Variants in HERC1 observed in about 807,000 individuals in gnomAD.
HERC1 encodes the protein probable E3 ubiquitin-protein ligase HERC1.
In HERC1, 160 loss-of-function variants were observed where a neutral mutation model predicts 554.3. That is an observed-to-expected ratio of 0.29 (90% confidence interval 0.25 to 0.33). HERC1 has a LOEUF of 0.33. Among genes scored for constraint, HERC1 ranks in the 10% least tolerant of loss-of-function variants. The probability of loss-of-function intolerance (pLI) is 1.00; values close to 1 mark genes in which losing one functional copy is unlikely to be tolerated. For synonymous variants in HERC1, 2,175 were observed against 2,131.7 expected (o/e 1.02, Z -0.56); for missense variants, 4,919 against 5,918.5 (o/e 0.83, Z 5.54).
intron 74 of HERC1, among the ~76,000 whole-genome samples, chr15:63,618,753 T>C (rs905075489): frequency 6.6e-5 from 10 of 152,224 alleles, no homozygotes; most frequent in African/African-American, 1.2e-4. Flanking sequence ...TTTATTCTCT[T>C]TGAAGCAACT....
rs1595924737 is a variant in HERC1 at position 63,665,965 on chromosome 15, T to G, written c.8509A>C (p.Ile2837Leu). ...ATTTCAGCAGCATCAGCTGATGGTA[T>G]GTCTCCAGGTGACTGCAAATAACAG... ...DPCYLQSPGD[I>L]PSADAAEMEE... Residue 2837 changes from isoleucine to leucine, a missense_variant, in exon 42 of 78, where the codon ATA becomes CTA. By Grantham distance (5) the Ile-to-Leu change is conservative. Around this residue, in one of 11 missense-constraint regions of HERC1, gnomAD observed 1,963 missense variants for 2,228.6 expected, o/e 0.88. Transcript: ENST00000443617. 1 of 1,613,970 alleles carries G rather than the reference T, an allele frequency of 6.2e-7. No individual in the cohort carries two copies. Among genetic ancestry groups the G allele is most frequent in the African/African-American group, 1.3e-5 (1 of 75,066 alleles).
Position 63,626,162 on chromosome 15 carries a change from GA to G in HERC1, c.13106-9del. On this transcript the variant is annotated splice_polypyrimidine_tract_variant and intron_variant, in intron 70 of 77. Coordinates refer to ENST00000443617, the MANE Select transcript of HERC1 (RefSeq NM_003922.4). ...GCAGAGGTACTGACACACCTGTCCA[GA>G]AAGCAAATGGGCACTTATGAAGGAA... 6.2e-7 allele frequency: 1 copy of G among 1,609,358 alleles called. No individual in the cohort carries two copies. Among genetic ancestry groups the G allele is most frequent in the Non-Finnish European group, 8.5e-7 (1 of 1,178,798 alleles).
Position 63,674,417 on chromosome 15 carries a change from G to A in HERC1, c.7771C>T (p.Arg2591Ter), listed in dbSNP as rs1379420634. Residue 2591 changes from arginine (R) to a stop codon, truncating the protein, a stop_gained, in exon 38 of 78, where the codon CGA becomes TGA. Coordinates refer to ENST00000443617, the MANE Select transcript of HERC1 (RefSeq NM_003922.4). LOFTEE classifies it high-confidence loss of function. ...KRALGLADLE[R>*]AQAMIYKLVV... Reference sequence around the variant, plus strand: ...AATTTATAGATCATGGCTTGCGCTCGTTCCAGATCAGCTAATCCCAATGCT... The same window carrying A: ...AATTTATAGATCATGGCTTGCGCTCATTCCAGATCAGCTAATCCCAATGCT... 1.2e-6 allele frequency: 2 copies of A among 1,613,560 alleles called. No homozygotes were observed. The highest frequency in any genetic ancestry group is 1.3e-5 in the African/African-American group (1 of 74,826).
intron 33 of HERC1, among the ~76,000 whole-genome samples, chr15:63,688,827 G>A (rs569343258): frequency 4.6e-5 from 7 of 152,038 alleles, no homozygotes; most frequent in Non-Finnish European, 8.8e-5. Flanking sequence ...AGGAATTTGC[G>A]TTTGGGAAAC....
chr15:63,640,167 T>G lies in HERC1; in HGVS notation c.11886A>C (p.Glu3962Asp), dbSNP rs373680532. Reference protein sequence around the residue: ...VPDLEPVPEDELVFLMDNSKW... With the variant: ...VPDLEPVPEDDLVFLMDNSKW... Reference sequence around the variant, plus strand: ...GTACATTTACCATTAGAAATACAAGTTCATCCTCTGGAACAGGTTCTAGAT... The same window carrying G: ...GTACATTTACCATTAGAAATACAAGGTCATCCTCTGGAACAGGTTCTAGAT... The change falls in exon 61 of 78, where the codon GAA becomes GAC. Residue 3962 changes from glutamate to aspartate, a missense_variant. Physicochemically the swap from Glu to Asp is conservative, Grantham distance 45. Transcript: ENST00000443617. 11 of 1,613,748 alleles carry G rather than the reference T, an allele frequency of 6.8e-6. No individual in the cohort carries two copies. Among genetic ancestry groups the G allele is most frequent in the Non-Finnish European group, 9.3e-6 (11 of 1,179,708 alleles).
intron 10 of HERC1, among the ~76,000 whole-genome samples, chr15:63,748,060 T>C (rs1412945122): frequency 1.3e-5 from 2 of 152,088 alleles, no homozygotes; most frequent in Admixed American, 6.6e-5. Flanking sequence ...AACCCATCTC[T>C]ACTAAAAACA....
At chr15:63,646,417 G>A (rs962228722) in intron 55 of HERC1, among the ~76,000 whole-genome samples, 4 of 151,584 alleles carry the variant, frequency 2.6e-5, no homozygotes, top group African/African-American at 9.7e-5. Flanking sequence ...CAAAGATTCT[G>A]TGCAACAACA....
intron 37 of HERC1, among the ~76,000 whole-genome samples, chr15:63,676,537 A>C (rs1490741134): frequency 1.3e-5 from 2 of 152,080 alleles, no homozygotes; most frequent in South Asian, 4.1e-4. Flanking sequence ...CAGGTGGATC[A>C]CTTGAGGTCA....
chr15:63,659,363 T>C (rs1452004014), intron 47 of HERC1, among the ~76,000 whole-genome samples: 1 of 152,188 alleles, frequency 6.6e-6, no homozygotes, highest in Non-Finnish European at 1.5e-5. Context: ...ACAATTTTTC[T>C]GCCTCAGCCT....
chr15:63,785,257 T>C (rs1302178281), intron 1 of HERC1, among the ~76,000 whole-genome samples: 2 of 151,648 alleles, frequency 1.3e-5, no homozygotes, highest in Non-Finnish European at 2.9e-5. Flanking sequence ...GACATTACCT[T>C]GACAAAATGT....
chr15:63,690,516 T>C, intron 32 of HERC1, 25 bp downstream of exon 32: 3 of 1,478,036 alleles, frequency 2.0e-6, no homozygotes, highest in South Asian at 1.2e-5. Context: ...GGAAAACATC[T>C]TCTAATAATT....
chr15:63,692,274 A>C lies in HERC1; in HGVS notation c.5830+137T>G. 1.7e-6 allele frequency: 1 copy of C among 597,244 alleles called. No individual in the cohort carries two copies. Among genetic ancestry groups the C allele is most frequent in the Non-Finnish European group, 2.7e-6 (1 of 369,378 alleles). The allele number at this position is 597,244 out of a possible 1,614,324, so 37.0% of individuals were successfully genotyped here. ...TGAAATTAGAGTTTTCTTTTGATCA[A>C]ATAGGTACGCAGAAAATAAGAAAGA... On this transcript the variant is annotated intron_variant, in intron 31 of 77. Coordinates refer to ENST00000443617, the MANE Select transcript of HERC1 (RefSeq NM_003922.4). This position sits in a 1 kb window ranked among gnomAD's most constrained non-coding sequence, Gnocchi z 4.7.
At chr15:63,774,422 CAT>C (rs1370553701) in intron 2 of HERC1, among the ~76,000 whole-genome samples, 1 of 152,038 alleles carries the variant, frequency 6.6e-6, no homozygotes, top group African/African-American at 2.4e-5. Context: ...TTCGCTAAAA[CAT>C]AAAGTTAGAT....
At chr15:63,650,042 A>C in intron 53 of HERC1, 117 bp from the exon 54 acceptor site, 1 of 671,306 alleles carries the variant, frequency 1.5e-6, no homozygotes, top group African/African-American at 1.8e-5. Flanking sequence ...ATTTCATAAT[A>C]GCCTACTAAT....
chr15:63,787,960 CAAAAAAAAAAAA>C (rs375499946), intron 1 of HERC1, among the ~76,000 whole-genome samples: 1 of 45,648 alleles, frequency 2.2e-5, no homozygotes, highest in East Asian at 6.6e-4. Flanking sequence ...GACCCTGTCT[CAAAAAAAAAAAA>C]AAAAAAAAAA....
intron 1 of HERC1, among the ~76,000 whole-genome samples, chr15:63,832,596 A>G (rs578177431): frequency 3.5e-4 from 53 of 152,318 alleles, no homozygotes; most frequent in African/African-American, 1.2e-3. Context: ...AAAATATAAT[A>G]TATACATAGG....
rs564878128 is a variant in HERC1, at chr15:63,617,574, G to C, written c.13689-892C>G. 2.2e-4 allele frequency among the ~76,000 whole-genome samples: 34 copies of C among 152,298 alleles called. No individual in the cohort carries two copies. The South Asian group carries it at 4.4e-3, about 20-fold the overall frequency. On this transcript the variant is annotated intron_variant, in intron 74 of 77. Transcript: ENST00000443617. The stretch of plus-strand genomic sequence containing the variant: ...GTATTTCTAGTTCTAGATCCATGAG[G>C]AATCACCACACTGACTTCCACAATG...
intron 40 of HERC1, among the ~76,000 whole-genome samples, chr15:63,666,933 T>C (rs2070671859): frequency 6.6e-6 from 1 of 152,232 alleles, no homozygotes; most frequent in Admixed American, 6.5e-5. Context: ...TTTCATAGTC[T>C]ATTTAGTGCT....
intron 30 of HERC1, 151 bp downstream of exon 30, chr15:63,693,813 T>C (rs1258327501): frequency 7.5e-6 from 6 of 799,370 alleles, no homozygotes; most frequent in African/African-American, 1.8e-5. Context: ...CTAAATCATA[T>C]ATACGTGAAG....
Sources: allele counts gnomAD v4.1 joint callset (sites outside exome capture counted in the v4.1 genomes callset), GRCh38; gene constraint gnomAD v4.1.1; regional missense constraint gnomAD v4.1.1; non-coding constraint Gnocchi (gnomAD v3.1); transcripts MANE v1.5; gene names NCBI Gene and HGNC (gene_info 2026-07-23, HGNC 2026-07-21).